The following OR51B5 variants were observed in gnomAD, a reference collection of about 807,000 sequenced individuals.
OR51B5 encodes olfactory receptor 51B5.
For synonymous variants in OR51B5, 186 were observed against 144.8 expected (o/e 1.28, Z -2.04); for missense variants, 456 against 374.6 (o/e 1.22, Z -1.79).
At chr11:5,469,852 T>C (rs1851199794) in intron 1 of OR51B5, among the ~76,000 whole-genome samples, 1 of 152,146 alleles carries the variant, frequency 6.6e-6, no homozygotes, top group Admixed American at 6.5e-5. Flanking sequence ...ACCCACTGAT[T>C]GATTCTGTCT....
chr11:5,382,280 C>T (rs1420860683), intron 1 of OR51B5, among the ~76,000 whole-genome samples: 1 of 152,180 alleles, frequency 6.6e-6, no homozygotes, highest in Non-Finnish European at 1.5e-5. Context: ...CTTACACTAC[C>T]CCTCCTTTTT....
intron 1 of OR51B5, chr11:5,453,936 G>A: frequency 6.2e-7 from 1 of 1,614,156 alleles, no homozygotes; most frequent in Non-Finnish European, 8.5e-7. Flanking sequence ...AGGTGCAGCT[G>A]CTCGAAGCTT....
At chr11:5,478,071 CAA>C (rs1294740691) in intron 1 of OR51B5, among the ~76,000 whole-genome samples, 7 of 151,784 alleles carry the variant, frequency 4.6e-5, no homozygotes, top group Non-Finnish European at 1.0e-4. Flanking sequence ...CACAGACAAA[CAA>C]AAAGACAGCA....
At chr11:5,488,514 GCA>G (rs1851528596) in intron 1 of OR51B5, among the ~76,000 whole-genome samples, 5 of 152,162 alleles carry the variant, frequency 3.3e-5, no homozygotes, top group African/African-American at 4.8e-5. Context: ...ATAGAAATTA[GCA>G]GAAGGTTTTA....
intron 1 of OR51B5, chr11:5,362,684 G>C (rs2133699130): frequency 4.7e-6 from 1 of 212,632 alleles, no homozygotes; most frequent in Non-Finnish European, 1.0e-5. Flanking sequence ...TCTGATTGTA[G>C]AGCTTTTGGC....
chr11:5,413,331 G>C (rs550226501), intron 1 of OR51B5, among the ~76,000 whole-genome samples: 1 of 151,904 alleles, frequency 6.6e-6, no homozygotes, highest in Non-Finnish European at 1.5e-5. Context: ...CCACAAAGAT[G>C]GGGAAAAAAC....
intron 1 of OR51B5, among the ~76,000 whole-genome samples, chr11:5,500,774 G>A (rs1341866096): frequency 1.4e-5 from 2 of 148,064 alleles, no homozygotes; most frequent in East Asian, 2.0e-4. Flanking sequence ...GTTTCAAAAC[G>A]ACCTTCATAT....
intron 1 of OR51B5, among the ~76,000 whole-genome samples, chr11:5,417,698 G>C (rs1405277415): frequency 6.6e-6 from 1 of 151,538 alleles, no homozygotes; most frequent in African/African-American, 2.4e-5. Context: ...GGCCATCAGA[G>C]GAATGCAAAT....
intron 1 of OR51B5, among the ~76,000 whole-genome samples, chr11:5,478,248 C>A (rs983731564): frequency 1.3e-5 from 2 of 152,012 alleles, no homozygotes; most frequent in Admixed American, 6.6e-5. Context: ...CCAGCAGGGG[C>A]ATACTGACAC....
At chr11:5,471,927 A>C (rs1037276673) in intron 1 of OR51B5, among the ~76,000 whole-genome samples, 2 of 152,158 alleles carry the variant, frequency 1.3e-5, no homozygotes, top group Admixed American at 6.5e-5. Flanking sequence ...GGCAACTAGG[A>C]AAGTTGTGAT....
intron 1 of OR51B5, among the ~76,000 whole-genome samples, chr11:5,373,008 A>G (rs1396743680): frequency 6.6e-6 from 1 of 152,218 alleles, no homozygotes; most frequent in Non-Finnish European, 1.5e-5. Flanking sequence ...AAGAGCCCAG[A>G]AATAAATTTA....
chr11:5,397,499 A>G (rs1309344211), intron 1 of OR51B5, among the ~76,000 whole-genome samples: 1 of 151,426 alleles, frequency 6.6e-6, no homozygotes, highest in African/African-American at 2.4e-5. Context: ...AACCACAATG[A>G]GATACCATCT....
intron 1 of OR51B5, among the ~76,000 whole-genome samples, chr11:5,407,566 A>G (rs113190851): frequency 0.011 from 1,625 of 152,140 alleles, 31 homozygotes; most frequent in African/African-American, 0.036. Flanking sequence ...ACATTATGCT[A>G]TTCACCATGA....
chr11:5,470,685 C>T (rs1352609643), intron 1 of OR51B5, among the ~76,000 whole-genome samples: 3 of 152,194 alleles, frequency 2.0e-5, no homozygotes, highest in Admixed American at 6.5e-5. Context: ...CATCTATTCA[C>T]GTGGTCATGC....
At chr11:5,388,046 CT>C (rs1849728198) in intron 1 of OR51B5, among the ~76,000 whole-genome samples, 1 of 151,998 alleles carries the variant, frequency 6.6e-6, no homozygotes, top group African/African-American at 2.4e-5. Context: ...AGAATTATGT[CT>C]GCCATGTAAT....
chr11:5,471,583 C>A (rs967122020), intron 1 of OR51B5, among the ~76,000 whole-genome samples: 1 of 149,338 alleles, frequency 6.7e-6, no homozygotes, highest in Non-Finnish European at 1.5e-5. Context: ...TTGCAGTGAG[C>A]TGAGATCGCA....
intron 1 of OR51B5, among the ~76,000 whole-genome samples, chr11:5,415,110 C>A (rs371441489): frequency 6.6e-6 from 1 of 152,096 alleles, no homozygotes; most frequent in East Asian, 1.9e-4. Flanking sequence ...TAGAACTCAG[C>A]ATTAAGAAAC....
intron 1 of OR51B5, among the ~76,000 whole-genome samples, chr11:5,478,811 A>C (rs1253902204): frequency 6.6e-6 from 1 of 150,504 alleles, no homozygotes; most frequent in South Asian, 2.1e-4. Flanking sequence ...AGTTTAGAGA[A>C]AAAAGAATAA....
intron 1 of OR51B5, among the ~76,000 whole-genome samples, chr11:5,430,080 A>G (rs1216365329): frequency 2.0e-5 from 3 of 152,330 alleles, no homozygotes; most frequent in Middle Eastern, 6.8e-3. Flanking sequence ...TAAACAATTT[A>G]TTGTTTGATC....
Sources: gnomAD v4.1 joint callset for allele counts (sites outside exome capture counted in the v4.1 genomes callset) on GRCh38, gnomAD v4.1.1 for gene constraint, MANE v1.5 for transcripts, NCBI Gene and HGNC (gene_info 2026-07-23, HGNC 2026-07-21) for gene names.